The following NFKBIZ variants were observed in gnomAD, a reference collection of about 807,000 sequenced individuals.
NFKBIZ encodes the protein NF-kappa-B inhibitor zeta.
In NFKBIZ, 19 loss-of-function variants were observed where a neutral mutation model predicts 76.8. That is an observed-to-expected ratio of 0.25 (90% CI 0.17 to 0.36). The LOEUF (loss-of-function observed/expected upper bound fraction) is 0.36. NFKBIZ is among the 10% of genes least tolerant of loss of function. The pLI is 1.00. For missense variants in NFKBIZ, 829 were observed against 910.9 expected (o/e 0.91, Z 1.16); for synonymous variants, 368 against 354.8 (o/e 1.04, Z -0.42).
intron 2 of NFKBIZ, among the ~76,000 whole-genome samples, chr3:101,832,736 ATTGT>A (rs1942662916): frequency 6.6e-6 from 1 of 152,160 alleles, no homozygotes; most frequent in Admixed American, 6.5e-5. Context: ...GGACACTTGG[ATTGT>A]TTCTTTTGGC....
chr3:101,831,525 G>T (rs1424221763), intron 2 of NFKBIZ, among the ~76,000 whole-genome samples: 2 of 152,062 alleles, frequency 1.3e-5, no homozygotes, highest in Non-Finnish European at 2.9e-5. Flanking sequence ...AAAAGTACTG[G>T]TTTCCAGAGG....
upstream of NFKBIZ, among the ~76,000 whole-genome samples, chr3:101,845,160 C>A (rs1042939365): frequency 6.6e-6 from 1 of 151,282 alleles, no homozygotes; most frequent in South Asian, 2.1e-4. Context: ...CCCAGCTACT[C>A]GGGAGGCTAA....
rs141517649 is a variant in NFKBIZ at position 101,835,636 on chromosome 3, T to C, written c.-12+5948T>C. 9.2e-5 allele frequency among the ~76,000 whole-genome samples: 14 copies of C among 152,294 alleles called. No homozygotes were observed. The East Asian group carries it at 2.3e-3, about 25-fold the overall frequency. On this transcript the variant is annotated intron_variant, in intron 2 of 12. Coordinates refer to the NFKBIZ transcript ENST00000394054. ...CATCCCTGGTGTCTCTACCCTCTTA[T>C]AAAGATACCAGTCAGATTAGATGAG...
At position 101,855,331 on chromosome 3, in the gene NFKBIZ, G is replaced by A. The variant is rs546747217; in HGVS notation, c.1591-64G>A. On this transcript the variant is annotated intron_variant, in intron 7 of 11. Coordinates refer to ENST00000326172, the MANE Select transcript of NFKBIZ (RefSeq NM_031419.4). ...TTTGAGTTAACTTATTCATTTCTTG[G>A]GGATTCTAATAGGTATATGCGCAGC... 7.5e-6 allele frequency: 12 copies of A among 1,607,116 alleles called. No homozygotes were observed. In the African/African-American group the frequency reaches 1.6e-4, roughly 21 times the overall value.
Position 101,857,759 on chromosome 3 carries a change from A to G in NFKBIZ, c.2103+300A>G, listed in dbSNP as rs533550357. On this transcript the variant is annotated intron_variant, in intron 11 of 11. Transcript: ENST00000326172. The stretch of plus-strand genomic sequence containing the variant: ...TTAAGGTTCGGAAAGAGAAGATACC[A>G]AGGTTCCTGCAGATACCAAGGAAAG... 14 of 985,450 alleles carry G rather than the reference A, an allele frequency of 1.4e-5. No individual in the cohort carries two copies. In the African/African-American group the frequency reaches 2.4e-4, roughly 17 times the overall value. 61.0% of individuals were successfully genotyped at this position (985,450 alleles called of 1,614,324 possible).
intron 9 of NFKBIZ, chr3:101,856,841 G>T: frequency 2.3e-6 from 1 of 436,976 alleles, no homozygotes; most frequent in Non-Finnish European, 4.1e-6. Flanking sequence ...TGGCCACCCT[G>T]TATAAAAAGG....
intron 1 of NFKBIZ, 21 bp from the exon 2 acceptor site, chr3:101,852,064 G>A (rs1486758771): frequency 6.2e-7 from 1 of 1,605,144 alleles, no homozygotes; most frequent in East Asian, 2.2e-5. Flanking sequence ...CCAGGAATAT[G>A]TTTTGTTTTC....
chr3:101,857,185 T>TACTTTTAGAAAGCTTTAGTAACC lies in NFKBIZ; in HGVS notation c.1935+4_1935+5insTTTTAGAAAGCTTTAGTAACCAC, dbSNP rs3217713. The TACTTTTAGAAAGCTTTAGTAACC allele has an allele frequency of 6.2e-7, 1 of 1,611,588 alleles. No individual in the cohort carries two copies. Among genetic ancestry groups the TACTTTTAGAAAGCTTTAGTAACC allele is most frequent in the African/African-American group, 1.3e-5 (1 of 74,804 alleles). On this transcript the variant is annotated splice_region_variant and intron_variant, in intron 10 of 11. Coordinates refer to ENST00000326172, the MANE Select transcript of NFKBIZ (RefSeq NM_031419.4). ...TGCCTGTCTTTTGTGAATGCAAAGG[T>TACTTTTAGAAAGCTTTAGTAACC]ACACCAGAGTTGGAATGGCCTTCTG...
chr3:101,839,905 T>C (rs912602817), intron 2 of NFKBIZ, among the ~76,000 whole-genome samples: 1 of 152,200 alleles, frequency 6.6e-6, no homozygotes, highest in African/African-American at 2.4e-5. Flanking sequence ...GTACATTTTT[T>C]ACAGTAGAAG....
chr3:101,836,023 T>C (rs1364339007), intron 2 of NFKBIZ, among the ~76,000 whole-genome samples: 1 of 152,214 alleles, frequency 6.6e-6, no homozygotes, highest in Non-Finnish European at 1.5e-5. Flanking sequence ...TTAACACTTT[T>C]CTATAGTGGA....
chr3:101,855,209 G>C lies in NFKBIZ; in HGVS notation c.1590+1G>C. 6.2e-7 allele frequency: 1 copy of C among 1,605,226 alleles called. No individual in the cohort carries two copies. Among genetic ancestry groups the C allele is most frequent in the Non-Finnish European group, 8.5e-7 (1 of 1,176,096 alleles). Reference sequence around the variant, plus strand: ...GAAGGGCCACTCCCAGGTGCTTCAGGTAAGAGGCAGCAAACCAGGCTTCCA... The same window carrying C: ...GAAGGGCCACTCCCAGGTGCTTCAGCTAAGAGGCAGCAAACCAGGCTTCCA... On this transcript the variant is annotated splice_donor_variant, in intron 7 of 11. Coordinates refer to ENST00000326172, the MANE Select transcript of NFKBIZ (RefSeq NM_031419.4). LOFTEE classifies it high-confidence loss of function.
At position 101,855,215 on chromosome 3, in the gene NFKBIZ, G is replaced by A. The variant is rs1287050640; in HGVS notation, c.1590+7G>A. On this transcript the variant is annotated splice_region_variant and intron_variant, in intron 7 of 11. Transcript: ENST00000326172. ...CCACTCCCAGGTGCTTCAGGTAAGA[G>A]GCAGCAAACCAGGCTTCCATCATTG... is the stretch of plus-strand genomic sequence containing the variant. 1 of 1,604,888 alleles carries A rather than the reference G, an allele frequency of 6.2e-7. No individual in the cohort carries two copies. Among genetic ancestry groups the A allele is most frequent in the South Asian group, 1.1e-5 (1 of 89,600 alleles).
intron 11 of NFKBIZ, chr3:101,858,199 T>TA (rs1386447946): frequency 3.0e-6 from 3 of 985,292 alleles, no homozygotes; most frequent in Non-Finnish European, 3.6e-6. Context: ...CAAAATAAAA[T>TA]ACGTGGAATG....
chr3:101,834,025 T>C (rs1355630126), intron 2 of NFKBIZ, among the ~76,000 whole-genome samples: 2 of 152,324 alleles, frequency 1.3e-5, no homozygotes, highest in East Asian at 3.9e-4. Flanking sequence ...TTACTGTTGA[T>C]GCCTTGGTGG....
chr3:101,848,223 G>C (rs1181874314), upstream of NFKBIZ, among the ~76,000 whole-genome samples: 1 of 152,140 alleles, frequency 6.6e-6, no homozygotes, highest in East Asian at 1.9e-4. Context: ...TAAAATTCCA[G>C]TGTCTCAGCT....
In NFKBIZ at chr3:101,857,365, G is replaced by A. The variant is rs1344817678; in HGVS notation, c.2009G>A (p.Arg670His). The A allele has an allele frequency of 4.3e-6, 7 of 1,614,090 alleles. No individual in the cohort carries two copies. In the East Asian group the frequency reaches 1.3e-4, roughly 31 times the overall value. The change falls in exon 11 of 12, where the codon CGC becomes CAC. Residue 670 changes from arginine to histidine, a missense_variant. Arg to His is a conservative substitution (Grantham distance 29). Transcript: ENST00000326172. Reference protein sequence around the residue: ...QYRLTQLDAVRLLMRKGADPS... With the variant: ...QYRLTQLDAVHLLMRKGADPS... ...CGGTTGACACAATTAGATGCTGTCC[G>A]CCTGTTGATGAGGAAGGGAGCAGAC...
chr3:101,828,078 T>C (rs1412024160), exon 1 of NFKBIZ: 1 of 152,214 alleles, frequency 6.6e-6, no homozygotes, highest in Non-Finnish European at 1.5e-5. Flanking sequence ...AGGAAACTGA[T>C]CGTCTTTCTC....
chr3:101,850,474 A>G (rs1375496699), intron 1 of NFKBIZ: 3 of 152,172 alleles, frequency 2.0e-5, no homozygotes, highest in African/African-American at 7.2e-5. Flanking sequence ...TAGTTTGGCG[A>G]GTTTCGGAAG....
At chr3:101,839,442 A>G (rs1339639873) in intron 2 of NFKBIZ, among the ~76,000 whole-genome samples, 2 of 152,200 alleles carry the variant, frequency 1.3e-5, no homozygotes, top group African/African-American at 4.8e-5. Context: ...CAAAACATAA[A>G]TTCTAATCAA....
Sources: allele counts gnomAD v4.1 joint callset (sites outside exome capture counted in the v4.1 genomes callset), GRCh38; gene constraint gnomAD v4.1.1; transcripts MANE v1.5; gene names NCBI Gene and HGNC (gene_info 2026-07-23, HGNC 2026-07-21).